The following RAP1GAP2 variants were observed in gnomAD, a reference collection of about 807,000 sequenced individuals.
RAP1GAP2 encodes rap1 GTPase-activating protein 2.
Under a neutral mutation model 95.0 loss-of-function variants are expected in RAP1GAP2, and 27 were observed. The observed-to-expected ratio is 0.28, with a 90% CI of 0.21 to 0.39. The LOEUF is 0.39. RAP1GAP2 is among the 10% of genes least tolerant of loss of function. RAP1GAP2 has a pLI of 1.00. For synonymous variants in RAP1GAP2, 373 were observed against 380.9 expected, an observed-to-expected ratio of 0.98 and a Z score of 0.24; for missense variants, 771 against 970.0, an observed-to-expected ratio of 0.79 and a Z score of 2.72.
intron 2 of RAP1GAP2, among the ~76,000 whole-genome samples, chr17:2,843,984 A>G (rs2071474315): frequency 6.6e-6 from 1 of 151,992 alleles, no homozygotes; most frequent in African/African-American, 2.4e-5. Flanking sequence ...CGTTGGGTAA[A>G]AGGAAGATGG....
intron 2 of RAP1GAP2, among the ~76,000 whole-genome samples, chr17:2,840,736 G>A (rs1329138858): frequency 6.6e-6 from 1 of 152,096 alleles, no homozygotes. Flanking sequence ...CGTGGCTCAC[G>A]CCTGTAATCC....
rs2047380589 is a variant in RAP1GAP2, at chr17:3,033,121, G to A, written c.*31-271G>A. The A allele has an allele frequency of 6.5e-6, 1 of 152,782 alleles. No homozygotes were observed. The allele number at this position is 152,782 out of a possible 1,614,324, so 9.5% of individuals were successfully genotyped here. A position where few individuals can be genotyped will look rare whatever the true frequency, so the allele number is the denominator to read the frequency against. On this transcript the variant is annotated intron_variant, in intron 24 of 24. Transcript: ENST00000254695. The surrounding 1 kb of genome is among the most constrained non-coding windows in gnomAD (Gnocchi z 4.9). ...TGTGTTCAACCTGATTTATGAAAAA[G>A]CAGAAGACAAATGGGCATATGGACC...
intron 2 of RAP1GAP2, among the ~76,000 whole-genome samples, chr17:2,821,151 A>G (rs1031985214): frequency 6.6e-6 from 1 of 151,998 alleles, no homozygotes; most frequent in African/African-American, 2.4e-5. Flanking sequence ...CCCTCTCCAC[A>G]GGCCCAGGGA....
chr17:2,823,983 C>T (rs1014532572), intron 2 of RAP1GAP2, among the ~76,000 whole-genome samples: 4 of 151,116 alleles, frequency 2.6e-5, no homozygotes, highest in Non-Finnish European at 4.4e-5. Flanking sequence ...ATTAGCTGGG[C>T]GTGGTGGCGG....
At chr17:2,757,276 G>A (rs776130333) in intron 1 of RAP1GAP2, among the ~76,000 whole-genome samples, 1 of 151,744 alleles carries the variant, frequency 6.6e-6, no homozygotes, top group African/African-American at 2.4e-5. Context: ...GGGCCATCAC[G>A]CCCAGCTAAT....
At chr17:2,880,843 G>A (rs985784650) in intron 2 of RAP1GAP2, among the ~76,000 whole-genome samples, 13 of 152,168 alleles carry the variant, frequency 8.5e-5, no homozygotes, top group South Asian at 6.2e-4. Flanking sequence ...GAAATGTGCC[G>A]AGGTCAGGCA....
At position 3,005,369 on chromosome 17, in the gene RAP1GAP2, G is replaced by T; in HGVS notation, c.1201G>T (p.Val401Phe). The change falls in exon 15 of 25, where the codon GTC (valine) becomes TTC (phenylalanine). Residue 401 changes from valine to phenylalanine, a missense_variant and splice_region_variant. Transcript: ENST00000254695. The surrounding 1 kb of genome is among the most constrained non-coding windows in gnomAD (Gnocchi z 5.2). Reference sequence around the variant, plus strand: ...CGTACCATGACTCTGTTTCACTCAGGTCTCTGTCACTGCGCGGGAAGATGT... The same window carrying T: ...CGTACCATGACTCTGTTTCACTCAGTTCTCTGTCACTGCGCGGGAAGATGT... ...TPGTETPSYK[V>F]SVTAREDVPT... The T allele has an allele frequency of 6.2e-7, 1 of 1,613,740 alleles. No homozygotes were observed. Among genetic ancestry groups the T allele is most frequent in the East Asian group, 2.2e-5 (1 of 44,862 alleles).
chr17:3,001,620 G>A lies in RAP1GAP2; in HGVS notation c.1200+3244G>A, dbSNP rs528940837. 8.8e-5 allele frequency among the ~76,000 whole-genome samples: 13 copies of A among 147,892 alleles called. 1 individual carries two copies. Among genetic ancestry groups the A allele is most frequent in the Admixed American group, 4.0e-4 (6 of 15,066 alleles). ...CAGCCTCAGGGCCTTCCTGATGCCG[G>A]AGAAGGGATAGAAGAAGCAGGGAGT... On this transcript the variant is annotated intron_variant, in intron 14 of 24. Transcript: ENST00000254695.
At chr17:2,820,891 G>GTTTTTT (rs1475267891) in intron 2 of RAP1GAP2, among the ~76,000 whole-genome samples, 2,270 of 113,710 alleles carry the variant, frequency 0.02, 199 homozygotes, top group East Asian at 0.13. Flanking sequence ...CCCGGATAAT[G>GTTTTTT]GTTTTTTTTT....
rs1455027197 is a variant in RAP1GAP2, at chr17:3,008,546, G to A, written c.1494+401G>A. Among the ~76,000 whole-genome samples the A allele has an allele frequency of 6.6e-6, 1 of 152,208 alleles. No homozygotes were observed. Among genetic ancestry groups the A allele is most frequent in the South Asian group, 2.1e-4 (1 of 4,836 alleles). On this transcript the variant is annotated intron_variant, in intron 17 of 24. Coordinates refer to ENST00000254695, the MANE Select transcript of RAP1GAP2 (RefSeq NM_015085.5). This position sits in a 1 kb window ranked among gnomAD's most constrained non-coding sequence, Gnocchi z 4.2. ...AGGACCACAGCCCTTACGGGTCTTC[G>A]TAGCTGCTGTGGGTGCCACAGTGAT...
intron 2 of RAP1GAP2, among the ~76,000 whole-genome samples, chr17:2,809,380 G>T (rs755571971): frequency 1.2e-4 from 19 of 152,340 alleles, no homozygotes; most frequent in Middle Eastern, 3.4e-3. Flanking sequence ...GGAGTGGCAT[G>T]GTCCTTGTGG....
At chr17:2,835,607 TC>T (rs2071094475) in intron 2 of RAP1GAP2, among the ~76,000 whole-genome samples, 1 of 152,178 alleles carries the variant, frequency 6.6e-6, no homozygotes, top group East Asian at 1.9e-4. Flanking sequence ...GAACTGTACT[TC>T]CAGCTATTCA....
intron 3 of RAP1GAP2, among the ~76,000 whole-genome samples, chr17:2,918,150 G>A (rs1389373582): frequency 6.6e-6 from 1 of 151,976 alleles, no homozygotes; most frequent in Non-Finnish European, 1.5e-5. Flanking sequence ...AAGAAAGGAG[G>A]TTTGGCCAGG....
In RAP1GAP2 at chr17:2,957,757, AGTC is replaced by A. The variant is rs753314381; in HGVS notation, c.169_171del (p.Ser57del). On this transcript the variant is annotated splice_acceptor_variant and coding_sequence_variant, in exon 4 of 25. Transcript: ENST00000254695. LOFTEE classifies it high-confidence loss of function. ...TTCTGTCCCCCTGCTTTTGTCTTTC[AGTC>A]GTCGGAGTTCTTTGAGATGCTGGAG... The A allele has an allele frequency of 1.2e-6, 2 of 1,606,690 alleles. No individual in the cohort carries two copies. Among genetic ancestry groups the A allele is most frequent in the South Asian group, 2.2e-5 (2 of 90,034 alleles).
chr17:2,922,644 A>G (rs537609417), intron 3 of RAP1GAP2, among the ~76,000 whole-genome samples: 13 of 152,232 alleles, frequency 8.5e-5, no homozygotes, highest in Non-Finnish European at 1.8e-4. Context: ...GGGGTAGAGC[A>G]TGATCTTCCC....
rs375311718 is a variant in RAP1GAP2 at position 3,027,601 on chromosome 17, G to A, written c.2107+531G>A. 8.6e-5 allele frequency among the ~76,000 whole-genome samples: 13 copies of A among 150,582 alleles called. No homozygotes were observed. Among genetic ancestry groups the A allele is most frequent in the African/African-American group, 3.1e-4 (13 of 41,378 alleles). The stretch of plus-strand genomic sequence containing the variant: ...AGCCAGGCGTCAGAGAGGCCGGAGC[G>A]TTGACAGGCTGGGTCAGCCCCGGGC... On this transcript the variant is annotated intron_variant, in intron 22 of 24. Coordinates refer to ENST00000254695, the MANE Select transcript of RAP1GAP2 (RefSeq NM_015085.5). The surrounding 1 kb of genome is among the most constrained non-coding windows in gnomAD (Gnocchi z 5.2).
chr17:2,917,414 G>T (rs1282258418), intron 3 of RAP1GAP2, among the ~76,000 whole-genome samples: 4 of 152,238 alleles, frequency 2.6e-5, no homozygotes, highest in Admixed American at 6.5e-5. Flanking sequence ...GGGATTACAG[G>T]CATGCGCCAC....
chr17:3,016,132 C>T (rs987362233), intron 17 of RAP1GAP2, among the ~76,000 whole-genome samples: 3 of 152,238 alleles, frequency 2.0e-5, no homozygotes, highest in Admixed American at 6.5e-5. Context: ...CCTCTGCCCT[C>T]CCTGGCTTGT....
intron 10 of RAP1GAP2, among the ~76,000 whole-genome samples, chr17:2,981,721 T>C (rs908052694): frequency 1.3e-5 from 2 of 152,206 alleles, no homozygotes; most frequent in African/African-American, 4.8e-5. Flanking sequence ...GCTGCCTTCA[T>C]TTATAAACCA....
Sources: gnomAD v4.1 joint callset for allele counts (sites outside exome capture counted in the v4.1 genomes callset) on GRCh38, gnomAD v4.1.1 for gene constraint, Gnocchi (gnomAD v3.1) non-coding constraint, MANE v1.5 for transcripts, NCBI Gene and HGNC (gene_info 2026-07-23, HGNC 2026-07-21) for gene names.